The following NPAS3 variants were observed in gnomAD, a reference collection of about 807,000 sequenced individuals.
NPAS3 encodes the protein neuronal PAS domain-containing protein 3.
A neutral mutation model predicts 73.1 loss-of-function variants in NPAS3; 14 were observed. The ratio of observed to expected loss-of-function variants is 0.19; its 90% confidence interval spans 0.13 to 0.30. The LOEUF (loss-of-function observed/expected upper bound fraction) is 0.30. NPAS3 is among the 10% of genes least tolerant of loss of function. The pLI, the probability that NPAS3 is intolerant of heterozygous loss-of-function variation, is 1.00. For synonymous variants in NPAS3, 620 were observed against 541.5 expected, an observed-to-expected ratio of 1.14 and a Z score of -2.01; for missense variants, 1,096 against 1,250.0, an observed-to-expected ratio of 0.88 and a Z score of 1.86.
intron 2 of NPAS3, among the ~76,000 whole-genome samples, chr14:33,155,238 C>G (rs945681321): frequency 6.6e-6 from 1 of 152,210 alleles, no homozygotes; most frequent in Non-Finnish European, 1.5e-5. Flanking sequence ...TGGCTTTGCT[C>G]AAGCTTTTGT....
Position 33,637,100 on chromosome 14 carries a change from G to GAAAC in NPAS3, c.559-39106_559-39103dup, listed in dbSNP as rs547739426. Among the ~76,000 whole-genome samples, 56 of 152,226 alleles carry GAAAC rather than the reference G, an allele frequency of 3.7e-4. 1 individual carries two copies. The South Asian group carries it at 0.012, about 32-fold the overall frequency. Reference sequence around the variant, plus strand: ...GAAAAGCATTTCTCTAGATTGTGGAGAAACAAACTATTTTTTAAATGTTTT... The same window carrying GAAAC: ...GAAAAGCATTTCTCTAGATTGTGGAGAAACAAACAAACTATTTTTTAAATGTTTT... On this transcript the variant is annotated intron_variant, in intron 5 of 11. Transcript: ENST00000356141.
chr14:33,131,410 GCCA>G (rs2043629161), intron 2 of NPAS3, among the ~76,000 whole-genome samples: 1 of 65,510 alleles, frequency 1.5e-5, no homozygotes, highest in Non-Finnish European at 3.4e-5. Context: ...GTTACACCCA[GCCA>G]TGTGTTCATC....
At chr14:33,584,076 T>C (rs1158557337) in intron 5 of NPAS3, among the ~76,000 whole-genome samples, 6 of 152,196 alleles carry the variant, frequency 3.9e-5, no homozygotes, top group Admixed American at 3.9e-4. Flanking sequence ...TTGTCACCAA[T>C]AGAAATCACA....
chr14:33,174,274 A>G lies in NPAS3; in HGVS notation c.141-40908A>G, dbSNP rs185671412. On this transcript the variant is annotated intron_variant, in intron 2 of 11. Transcript: ENST00000356141. ...CCCTAACCAAAAGAATCACAGGACT[A>G]CTGAACTGCTTATACAGGTTTCTAA... Among the ~76,000 whole-genome samples, 12 of 152,304 alleles carry G rather than the reference A, an allele frequency of 7.9e-5. No individual in the cohort carries two copies. In the East Asian group the frequency reaches 2.3e-3, roughly 29 times the overall value.
At chr14:33,763,227 C>T (rs1321984635) in intron 7 of NPAS3, among the ~76,000 whole-genome samples, 1 of 152,196 alleles carries the variant, frequency 6.6e-6, no homozygotes, top group African/African-American at 2.4e-5. Context: ...GCCGTGGATT[C>T]ATCCACTCCA....
chr14:33,681,203 G>A (rs544877420), intron 6 of NPAS3, among the ~76,000 whole-genome samples: 7 of 152,034 alleles, frequency 4.6e-5, no homozygotes, highest in Non-Finnish European at 8.8e-5. Flanking sequence ...TCTGAGGATC[G>A]GATCAATATT....
At chr14:33,157,363 C>T (rs1054380072) in intron 2 of NPAS3, among the ~76,000 whole-genome samples, 4 of 152,088 alleles carry the variant, frequency 2.6e-5, no homozygotes, top group African/African-American at 9.7e-5. Context: ...TTTAGGTTTC[C>T]AACAGGCCAC....
At chr14:33,774,423 T>A in exon 8 of NPAS3, 1 of 1,614,178 alleles carries the variant, frequency 6.2e-7, no homozygotes, top group African/African-American at 1.3e-5. Context: ...GTCTCGTGGT[T>A]GTTGCGCATG....
At chr14:33,224,455 C>A (rs1043852044) in intron 3 of NPAS3, among the ~76,000 whole-genome samples, 2 of 152,026 alleles carry the variant, frequency 1.3e-5, no homozygotes, top group African/African-American at 4.8e-5. Context: ...TGATTGACTG[C>A]AGCTTTTCAG....
At chr14:32,990,418 A>G (rs1193437403) in intron 1 of NPAS3, among the ~76,000 whole-genome samples, 1 of 152,214 alleles carries the variant, frequency 6.6e-6, no homozygotes, top group Non-Finnish European at 1.5e-5. Context: ...TTGTGGCTTT[A>G]AATTTTCCAG....
At chr14:33,727,850 AT>A (rs1448933454) in intron 6 of NPAS3, among the ~76,000 whole-genome samples, 2 of 152,170 alleles carry the variant, frequency 1.3e-5, no homozygotes. Context: ...AAGTGGCAAC[AT>A]TTATAGGGAG....
At chr14:33,230,510 A>G (rs1302239213) in intron 3 of NPAS3, among the ~76,000 whole-genome samples, 1 of 152,240 alleles carries the variant, frequency 6.6e-6, no homozygotes, top group Non-Finnish European at 1.5e-5. Context: ...TTTTATTTTT[A>G]TTCAACAGTA....
Position 33,462,866 on chromosome 14 carries a change from T to A in NPAS3, c.468+95598T>A, listed in dbSNP as rs77540921. On this transcript the variant is annotated intron_variant, in intron 4 of 11. Coordinates refer to ENST00000356141, the Ensembl canonical transcript of NPAS3. ...ATGAAAATGGAGATATTACCACTGG[T>A]TATCTTATTGAGCTGATAAAAGGGT... Among the ~76,000 whole-genome samples the A allele has an allele frequency of 5.9e-3, 906 of 152,306 alleles. 9 individuals are homozygous for A. Among genetic ancestry groups the A allele is most frequent in the African/African-American group, 0.021 (860 of 41,546 alleles).
rs147473445 is a variant in NPAS3 at position 33,441,572 on chromosome 14, G to A, written c.468+74304G>A. ...AGCCCATCCTATTATTGTACTATTC[G>A]CATTTTAAAAACTGTCTTCTTTATA... On this transcript the variant is annotated intron_variant, in intron 4 of 11. Transcript: ENST00000356141. Among the ~76,000 whole-genome samples, 206 of 152,194 alleles carry A rather than the reference G, an allele frequency of 1.4e-3. 2 individuals carry two copies. The highest frequency in any genetic ancestry group is 4.6e-3 in the African/African-American group (191 of 41,522).
chr14:32,955,454 A>G (rs1163161030), intron 1 of NPAS3, among the ~76,000 whole-genome samples: 2 of 151,756 alleles, frequency 1.3e-5, no homozygotes, highest in Admixed American at 6.6e-5. Context: ...AAGAGGAGAC[A>G]AGATAACATG....
At chr14:33,772,968 G>A (rs1031294258) in intron 7 of NPAS3, among the ~76,000 whole-genome samples, 2 of 152,196 alleles carry the variant, frequency 1.3e-5, no homozygotes, top group African/African-American at 4.8e-5. Flanking sequence ...AAGGGTGACA[G>A]GGAAAAGGTA....
At chr14:33,078,053 C>A (rs564772360) in intron 2 of NPAS3, among the ~76,000 whole-genome samples, 1 of 151,754 alleles carries the variant, frequency 6.6e-6, no homozygotes, top group Non-Finnish European at 1.5e-5. Flanking sequence ...GCAGGAGAAT[C>A]GCCTGAACCC....
At chr14:33,732,865 C>T (rs1201295780) in intron 6 of NPAS3, among the ~76,000 whole-genome samples, 3 of 152,296 alleles carry the variant, frequency 2.0e-5, no homozygotes, top group African/African-American at 4.8e-5. Flanking sequence ...CCACAGCTCA[C>T]GTGAAGCTTG....
intron 1 of NPAS3, among the ~76,000 whole-genome samples, chr14:33,047,961 A>T (rs1469747424): frequency 6.6e-6 from 1 of 152,154 alleles, no homozygotes; most frequent in Admixed American, 6.5e-5. Flanking sequence ...AAATCTGAAT[A>T]ATTTAGGGAT....
Sources: allele counts gnomAD v4.1 joint callset (sites outside exome capture counted in the v4.1 genomes callset), GRCh38; gene constraint gnomAD v4.1.1; transcripts MANE v1.5; gene names NCBI Gene and HGNC (gene_info 2026-07-23, HGNC 2026-07-21).